ANOS1: variants seen among roughly 807,000 people sequenced by gnomAD.
ANOS1 encodes the protein anosmin-1.
In ANOS1, 6 loss-of-function variants were observed where a neutral mutation model predicts 59.0. The observed-to-expected ratio is 0.10, with a 90% CI of 0.06 to 0.20. The LOEUF is 0.20. Among genes scored for constraint, ANOS1 ranks in the 10% least tolerant of loss-of-function variants. The probability of loss-of-function intolerance (pLI) is 1.00; values close to 1 mark genes in which losing one functional copy is unlikely to be tolerated. For missense variants in ANOS1, 433 were observed against 542.3 expected (o/e 0.80, Z 2.00); for synonymous variants, 217 against 223.4 (o/e 0.97, Z 0.25).
Position 8,532,105 on chromosome X carries a change from C to T in ANOS1, c.*890G>A, listed in dbSNP as rs910529204. The T allele has an allele frequency of 8.9e-6, 1 of 111,736 alleles. No individual in the cohort carries two copies. Among genetic ancestry groups the T allele is most frequent in the Non-Finnish European group, 1.9e-5 (1 of 53,132 alleles). 9.2% of individuals were successfully genotyped at this position (111,736 alleles called of 1,213,427 possible). ...ATCTCTGCAAAGATTTAAACATGCT[C>T]AATAGTTGGGATTTTTTCATTTGAA... On this transcript the variant is annotated 3_prime_UTR_variant, in exon 14 of 14. Transcript: ENST00000262648.
chrX:8,556,519 C>A (rs957780453), intron 8 of ANOS1, among the ~76,000 whole-genome samples: 1 of 109,480 alleles, frequency 9.1e-6, no homozygotes, highest in African/African-American at 3.3e-5. Context: ...AAATCACAAG[C>A]ATTCCTATAC....
At chrX:8,668,179 C>T (rs983162566) in intron 2 of ANOS1, among the ~76,000 whole-genome samples, 5 of 107,261 alleles carry the variant, frequency 4.7e-5, no homozygotes, top group Non-Finnish European at 9.6e-5. Flanking sequence ...TTATCCCTCA[C>T]CCCCTTCTCA....
intron 9 of ANOS1, among the ~76,000 whole-genome samples, chrX:8,549,933 T>A (rs1422758312): frequency 8.9e-6 from 1 of 112,117 alleles, no homozygotes; most frequent in Non-Finnish European, 1.9e-5. Context: ...TTCAAAAACC[T>A]TACACTTAAA....
intron 2 of ANOS1, among the ~76,000 whole-genome samples, chrX:8,690,971 T>C (rs1209777233): frequency 9.0e-6 from 1 of 111,679 alleles, no homozygotes; most frequent in Non-Finnish European, 1.9e-5. Context: ...AAGATAAGCA[T>C]GCAGGCTCCC....
intron 1 of ANOS1, among the ~76,000 whole-genome samples, chrX:8,712,894 A>C (rs1174437990): frequency 8.9e-6 from 1 of 111,883 alleles, no homozygotes; most frequent in Non-Finnish European, 1.9e-5. Flanking sequence ...TCTACTTTTA[A>C]AATGTTGCAC....
chrX:8,655,347 A>G (rs1027780655), intron 2 of ANOS1, among the ~76,000 whole-genome samples: 2 of 111,259 alleles, frequency 1.8e-5, no homozygotes, highest in African/African-American at 6.5e-5. Flanking sequence ...CACTCCTATG[A>G]GAACCTAATG....
At position 8,732,019 on chromosome X, in the gene ANOS1, G is replaced by A; in HGVS notation, c.18C>T (p.Pro6=). 9 of 995,590 alleles carry A rather than the reference G, an allele frequency of 9.0e-6. No homozygotes were observed. The highest frequency in any genetic ancestry group is 2.0e-5 in the African/African-American group (1 of 49,337). 82.0% of individuals were successfully genotyped at this position (995,590 alleles called of 1,213,427 possible). A position where few individuals can be genotyped will look rare whatever the true frequency, so the allele number is the denominator to read the frequency against. MVPGV[P]GAVLTLCLWL... Reference sequence around the variant, plus strand: ...AGAGGCAGAGGGTCAGGACCGCGCCGGGCACCCCGGGCACCATGGCTGCGG... The same window carrying A: ...AGAGGCAGAGGGTCAGGACCGCGCCAGGCACCCCGGGCACCATGGCTGCGG... Residue 6 remains proline (P), a synonymous_variant, in exon 1 of 14, where the codon CCC becomes CCT. Coordinates refer to ENST00000262648, the MANE Select transcript of ANOS1 (RefSeq NM_000216.4).
At chrX:8,696,239 G>A (rs1433376305) in intron 2 of ANOS1, among the ~76,000 whole-genome samples, 7 of 111,982 alleles carry the variant, frequency 6.3e-5, no homozygotes, top group Non-Finnish European at 1.1e-4. Context: ...AAGACAAGGG[G>A]AAGAGAACAA....
Position 8,535,630 on chromosome X carries a change from T to A in ANOS1, c.1803A>T (p.Leu601=). 2 of 1,210,314 alleles carry A rather than the reference T, an allele frequency of 1.7e-6. No individual in the cohort carries two copies. The highest frequency in any genetic ancestry group is 2.2e-6 in the Non-Finnish European group (2 of 894,094). ...GGGACTGTGAAATAATGCTGTTGGG[T>A]AGGCTGTTCTGTCTGCTTTCCGTAG... ...EVTTESRQNS[L]PNSIISQSQI... Residue 601 remains leucine, a synonymous_variant, in exon 12 of 14, where the codon CTA becomes CTT. Coordinates refer to ENST00000262648, the MANE Select transcript of ANOS1 (RefSeq NM_000216.4).
chrX:8,666,912 C>G (rs954005382), intron 2 of ANOS1, among the ~76,000 whole-genome samples: 1 of 111,848 alleles, frequency 8.9e-6, no homozygotes, highest in African/African-American at 3.3e-5. Flanking sequence ...CAACATCACC[C>G]CATGAGGGGA....
At chrX:8,646,794 G>A (rs931982258) in intron 2 of ANOS1, among the ~76,000 whole-genome samples, 6 of 108,852 alleles carry the variant, frequency 5.5e-5, no homozygotes, top group Admixed American at 4.9e-4. Context: ...TTAGCTTGGC[G>A]TGGTGGTGCA....
chrX:8,621,447 G>T (rs1931292008), intron 3 of ANOS1, among the ~76,000 whole-genome samples: 2 of 111,794 alleles, frequency 1.8e-5, no homozygotes, highest in Non-Finnish European at 3.8e-5. Context: ...GAGCACAACA[G>T]TCACTCCACT....
At chrX:8,618,988 G>A (rs754023248) in intron 3 of ANOS1, among the ~76,000 whole-genome samples, 11 of 98,769 alleles carry the variant, frequency 1.1e-4, no homozygotes, top group African/African-American at 4.3e-4. Context: ...CAGGAGAATC[G>A]CTCAAACCCG....
At chrX:8,637,997 G>A (rs1931599470) in intron 2 of ANOS1, among the ~76,000 whole-genome samples, 1 of 111,817 alleles carries the variant, frequency 8.9e-6, no homozygotes, top group South Asian at 3.7e-4. Flanking sequence ...ATCTGTAGAG[G>A]CTTCATCAGG....
chrX:8,653,437 A>G (rs1257547838), intron 2 of ANOS1, among the ~76,000 whole-genome samples: 2 of 109,823 alleles, frequency 1.8e-5, no homozygotes, highest in Non-Finnish European at 3.8e-5. Flanking sequence ...CTTGTTATCT[A>G]CTCCAGTAAG....
intron 4 of ANOS1, among the ~76,000 whole-genome samples, chrX:8,589,605 G>A (rs1006249037): frequency 1.5e-4 from 17 of 112,121 alleles, no homozygotes; most frequent in African/African-American, 5.5e-4. Flanking sequence ...TGGTGGATCT[G>A]GAACTTCACC....
chrX:8,606,847 G>T (rs1458327331), intron 3 of ANOS1, among the ~76,000 whole-genome samples: 1 of 112,956 alleles, frequency 8.9e-6, no homozygotes, highest in African/African-American at 3.2e-5. Flanking sequence ...GCTGGGTGTG[G>T]TGGCTCACGC....
chrX:8,616,088 CCTCT>C (rs1309468738), intron 3 of ANOS1, among the ~76,000 whole-genome samples: 2 of 110,414 alleles, frequency 1.8e-5, no homozygotes, highest in Non-Finnish European at 3.8e-5. Context: ...TTCTATACTC[CCTCT>C]CTGTTTCCTC....
intron 9 of ANOS1, among the ~76,000 whole-genome samples, chrX:8,541,232 C>T (rs1679226263): frequency 9.4e-6 from 1 of 106,037 alleles, no homozygotes; most frequent in South Asian, 4.4e-4. Context: ...GTGAAACCCC[C>T]TCTCTACTAA....
Sources: allele counts gnomAD v4.1 joint callset (sites outside exome capture counted in the v4.1 genomes callset), GRCh38; gene constraint gnomAD v4.1.1; transcripts MANE v1.5; gene names NCBI Gene and HGNC (gene_info 2026-07-23, HGNC 2026-07-21).